Variants in GRM8 observed in about 807,000 individuals in gnomAD.
The protein encoded by GRM8 is glutamate metabotropic receptor 8.
A neutral mutation model predicts 87.2 loss-of-function variants in GRM8; 47 were observed. That is an observed-to-expected ratio of 0.54 (90% CI 0.43 to 0.69). The LOEUF (loss-of-function observed/expected upper bound fraction) is 0.69, where lower values mean the gene tolerates loss of function less well. Among genes scored for constraint, GRM8 ranks in the 30% least tolerant of loss-of-function variants. The pLI is 0.00. For synonymous variants in GRM8, 396 were observed against 404.5 expected, an observed-to-expected ratio of 0.98 and a Z score of 0.25; for missense variants, 1,019 against 1,139.2, an observed-to-expected ratio of 0.89 and a Z score of 1.52.
At chr7:126,507,018 G>T (rs1810579662) in intron 9 of GRM8, among the ~76,000 whole-genome samples, 3 of 152,014 alleles carry the variant, frequency 2.0e-5, no homozygotes, top group Admixed American at 2.0e-4. Context: ...ATCTAAAGAG[G>T]CTCTCAATGA....
intron 2 of GRM8, among the ~76,000 whole-genome samples, chr7:127,175,157 TA>T (rs1242641842): frequency 6.6e-6 from 1 of 152,090 alleles, no homozygotes; most frequent in Non-Finnish European, 1.5e-5. Flanking sequence ...AACAGATGAC[TA>T]ATGTAACCAA....
At chr7:126,988,333 T>C (rs1812317075) in intron 3 of GRM8, among the ~76,000 whole-genome samples, 1 of 152,190 alleles carries the variant, frequency 6.6e-6, no homozygotes, top group Admixed American at 6.5e-5. Context: ...TCCAGCAAAA[T>C]TGCTATAGAA....
At chr7:126,596,079 G>C (rs951054741) in intron 8 of GRM8, among the ~76,000 whole-genome samples, 2 of 152,120 alleles carry the variant, frequency 1.3e-5, no homozygotes, top group Non-Finnish European at 2.9e-5. Context: ...AGCTGAGATA[G>C]CACCACTGCT....
chr7:127,113,984 G>A (rs1178442152), intron 2 of GRM8, among the ~76,000 whole-genome samples: 1 of 152,086 alleles, frequency 6.6e-6, no homozygotes, highest in East Asian at 1.9e-4. Context: ...CATGAAAACA[G>A]GCTAAGGAGA....
chr7:126,887,289 G>A (rs1800586880), intron 6 of GRM8, among the ~76,000 whole-genome samples: 1 of 152,064 alleles, frequency 6.6e-6, no homozygotes. Context: ...TATTTTTCTC[G>A]AGGTGTCTTT....
At chr7:126,564,624 A>C (rs1794034928) in intron 8 of GRM8, among the ~76,000 whole-genome samples, 1 of 152,176 alleles carries the variant, frequency 6.6e-6, no homozygotes, top group Non-Finnish European at 1.5e-5. Flanking sequence ...GCAGGACCAG[A>C]TGGCTTAACT....
At chr7:127,154,548 C>A (rs532721768) in intron 2 of GRM8, among the ~76,000 whole-genome samples, 8 of 152,206 alleles carry the variant, frequency 5.3e-5, no homozygotes, top group Admixed American at 2.6e-4. Context: ...CTGAACGTGG[C>A]TTTAGGCATG....
intron 2 of GRM8, among the ~76,000 whole-genome samples, chr7:127,127,792 T>A (rs896338811): frequency 6.6e-6 from 1 of 152,104 alleles, no homozygotes; most frequent in African/African-American, 2.4e-5. Context: ...TATTATTTAA[T>A]AAAGATTTTT....
chr7:126,988,449 A>G (rs939025203), intron 3 of GRM8, among the ~76,000 whole-genome samples: 2 of 152,356 alleles, frequency 1.3e-5, no homozygotes, highest in South Asian at 4.1e-4. Context: ...TTAGTTATAA[A>G]AGTCCTACTA....
At chr7:127,229,893 G>A (rs939596685) in intron 2 of GRM8, 1 of 152,152 alleles carries the variant, frequency 6.6e-6, no homozygotes, top group African/African-American at 2.4e-5. Flanking sequence ...TTGGAATGAA[G>A]TAAATAAAAT....
chr7:126,711,790 G>A (rs1223967659), intron 7 of GRM8, among the ~76,000 whole-genome samples: 1 of 152,180 alleles, frequency 6.6e-6, no homozygotes, highest in East Asian at 1.9e-4. Context: ...TTTATGTTAT[G>A]GAGATGGCCT....
intron 6 of GRM8, among the ~76,000 whole-genome samples, chr7:126,876,195 A>G (rs1799513242): frequency 6.6e-6 from 1 of 152,196 alleles, no homozygotes; most frequent in Admixed American, 6.5e-5. Flanking sequence ...CTCCTCTCCC[A>G]GAACAATTTC....
rs36129145 is a variant in GRM8, at chr7:126,974,936, C to CAAAAAAAA, written c.728-70261_728-70254dup. On this transcript the variant is annotated intron_variant, in intron 3 of 10. Transcript: ENST00000339582. ...GGGTGACAGAGCGAGACTCTTGTCTCAAAAAAAAAAAAAAAAAAAAAAAAA... is the reference window on the plus strand; with the variant it reads ...GGGTGACAGAGCGAGACTCTTGTCTCAAAAAAAAAAAAAAAAAAAAAAAAAAAAAAAAA... Among the ~76,000 whole-genome samples the CAAAAAAAA allele has an allele frequency of 1.0e-4, 6 of 59,620 alleles. 2 individuals carry two copies. The highest frequency in any genetic ancestry group is 3.4e-4 in the African/African-American group (5 of 14,844). 39.1% of individuals were successfully genotyped at this position (59,620 alleles called of 152,430 possible).
intron 8 of GRM8, among the ~76,000 whole-genome samples, chr7:126,576,482 C>T (rs1041532092): frequency 1.3e-5 from 2 of 152,082 alleles, no homozygotes; most frequent in Non-Finnish European, 2.9e-5. Context: ...AGGGTTTCAC[C>T]ATGTTGCCCA....
chr7:126,754,024 C>T (rs1214065156), intron 7 of GRM8, among the ~76,000 whole-genome samples: 2 of 151,770 alleles, frequency 1.3e-5, no homozygotes, highest in Non-Finnish European at 2.9e-5. Flanking sequence ...AGGGAACCAC[C>T]GCCGGATAAT....
At chr7:126,675,180 T>C (rs1806822732) in intron 7 of GRM8, among the ~76,000 whole-genome samples, 1 of 152,112 alleles carries the variant, frequency 6.6e-6, no homozygotes, top group Admixed American at 6.5e-5. Context: ...ATTTAGATTT[T>C]ACAGGAAGAA....
chr7:127,108,715 C>G (rs1205121810), intron 2 of GRM8, among the ~76,000 whole-genome samples: 1 of 151,994 alleles, frequency 6.6e-6, no homozygotes, highest in Non-Finnish European at 1.5e-5. Flanking sequence ...GTTTAATTAG[C>G]AGTCAGCCTC....
At chr7:126,474,032 G>A (rs1268225922) in intron 9 of GRM8, among the ~76,000 whole-genome samples, 1 of 152,004 alleles carries the variant, frequency 6.6e-6, no homozygotes, top group African/African-American at 2.4e-5. Context: ...TATGAAAATG[G>A]ACTAATGTAT....
At chr7:127,201,292 T>G (rs548083189) in intron 2 of GRM8, among the ~76,000 whole-genome samples, 36 of 152,344 alleles carry the variant, frequency 2.4e-4, no homozygotes, top group African/African-American at 7.9e-4. Context: ...GTAAGTAGTA[T>G]TATTCCCATT....
Sources: gnomAD v4.1 joint callset for allele counts (sites outside exome capture counted in the v4.1 genomes callset) on GRCh38, gnomAD v4.1.1 for gene constraint, MANE v1.5 for transcripts, NCBI Gene and HGNC (gene_info 2026-07-23, HGNC 2026-07-21) for gene names.